MSI2: variants seen among roughly 807,000 people sequenced by gnomAD.
MSI2 encodes RNA-binding protein Musashi homolog 2.
Under a neutral mutation model 45.6 loss-of-function variants are expected in MSI2, and 17 were observed. The observed-to-expected ratio is 0.37, with a 90% confidence interval of 0.26 to 0.56. The LOEUF (loss-of-function observed/expected upper bound fraction) is 0.56. Ranked by LOEUF, MSI2 falls within the 20% of genes least tolerant of loss-of-function variation. The pLI is 0.77. For missense variants in MSI2, 293 were observed against 444.2 expected, an observed-to-expected ratio of 0.66 and a Z score of 3.06; for synonymous variants, 156 against 158.2, an observed-to-expected ratio of 0.99 and a Z score of 0.11.
chr17:57,328,931 G>T (rs990962630), intron 5 of MSI2, among the ~76,000 whole-genome samples: 1 of 152,072 alleles, frequency 6.6e-6, no homozygotes, highest in Non-Finnish European at 1.5e-5. Context: ...TGGGGGCCCC[G>T]ATAGGAATAT....
chr17:57,282,994 C>T (rs1254626664), intron 5 of MSI2, among the ~76,000 whole-genome samples: 1 of 152,012 alleles, frequency 6.6e-6, no homozygotes, highest in Non-Finnish European at 1.5e-5. Flanking sequence ...TAACCATGTT[C>T]ACCTTTAACT....
At chr17:57,558,915 C>A (rs1420494139) in intron 7 of MSI2, among the ~76,000 whole-genome samples, 1 of 151,990 alleles carries the variant, frequency 6.6e-6, no homozygotes, top group East Asian at 1.9e-4. Context: ...ACAAAAAAAA[C>A]AGCGAGGTGT....
chr17:57,558,724 A>G (rs1313996064), intron 7 of MSI2, among the ~76,000 whole-genome samples: 1 of 152,202 alleles, frequency 6.6e-6, no homozygotes, highest in Non-Finnish European at 1.5e-5. Context: ...TTCCTGAATC[A>G]CAGAACCTCC....
At chr17:57,427,426 A>G (rs972608284) in intron 6 of MSI2, among the ~76,000 whole-genome samples, 2 of 152,076 alleles carry the variant, frequency 1.3e-5, no homozygotes, top group Non-Finnish European at 2.9e-5. Context: ...AAAAGAAAAT[A>G]AAAGAAAAAA....
At chr17:57,631,958 A>ATGACTGT (rs1208240965) in intron 10 of MSI2, 2 of 1,464,252 alleles carry the variant, frequency 1.4e-6, no homozygotes, top group East Asian at 5.0e-5. Context: ...GCCTGTTTGA[A>ATGACTGT]TGACTGTTCT....
chr17:57,486,903 G>C (rs944939866), intron 6 of MSI2, among the ~76,000 whole-genome samples: 4 of 152,218 alleles, frequency 2.6e-5, no homozygotes, highest in Non-Finnish European at 5.9e-5. Context: ...AGGGATCACA[G>C]AGTCTAGTGG....
chr17:57,352,788 A>T (rs997718851), intron 5 of MSI2, among the ~76,000 whole-genome samples: 6 of 152,182 alleles, frequency 3.9e-5, no homozygotes, highest in African/African-American at 1.4e-4. Flanking sequence ...TTTAACTTGG[A>T]TGGAATCCCT....
At chr17:57,698,902 TGTG>T in the MSI2 span, among the ~76,000 whole-genome samples, 2 of 125,900 alleles carry the variant, frequency 1.6e-5, no homozygotes, top group African/African-American at 3.1e-5. Flanking sequence ...AGTGTGTGTG[TGTG>T]TGTGTGTGTG....
chr17:57,356,731 G>A (rs1916448677), intron 5 of MSI2, among the ~76,000 whole-genome samples: 1 of 152,122 alleles, frequency 6.6e-6, no homozygotes, highest in Admixed American at 6.5e-5. Flanking sequence ...GATAAGAACT[G>A]TATTTGAACT....
At chr17:57,400,089 AG>A (rs1351191915) in intron 5 of MSI2, among the ~76,000 whole-genome samples, 6 of 152,256 alleles carry the variant, frequency 3.9e-5, no homozygotes, top group Non-Finnish European at 7.3e-5. Flanking sequence ...CAAACTGGTC[AG>A]ACCCTCACCC....
At chr17:57,505,028 A>G (rs2086197892) in intron 6 of MSI2, among the ~76,000 whole-genome samples, 1 of 152,170 alleles carries the variant, frequency 6.6e-6, no homozygotes, top group African/African-American at 2.4e-5. Context: ...CTTGGAAGAC[A>G]GAGGACCGGG....
intron 5 of MSI2, among the ~76,000 whole-genome samples, chr17:57,262,786 G>A (rs1907438977): frequency 6.6e-6 from 1 of 152,206 alleles, no homozygotes; most frequent in Admixed American, 6.5e-5. Flanking sequence ...TTGTAACCTT[G>A]TAGGAGTGGC....
At chr17:57,313,144 C>T (rs533185745) in intron 5 of MSI2, among the ~76,000 whole-genome samples, 26 of 152,262 alleles carry the variant, frequency 1.7e-4, no homozygotes, top group African/African-American at 5.1e-4. Flanking sequence ...TGCACCCGGC[C>T]GGCATTCGTT....
At chr17:57,404,158 T>G (rs1037475161) in intron 6 of MSI2, among the ~76,000 whole-genome samples, 3 of 152,206 alleles carry the variant, frequency 2.0e-5, no homozygotes, top group Admixed American at 2.0e-4. Context: ...CTGGTAGTGG[T>G]ATTCTCCATG....
rs144037172 is a variant in MSI2 at position 57,319,614 on chromosome 17, T to G, written c.312+57422T>G. Among the ~76,000 whole-genome samples, 282 of 152,150 alleles carry G rather than the reference T, an allele frequency of 1.9e-3. 1 individual carries two copies. Among genetic ancestry groups the G allele is most frequent in the African/African-American group, 6.3e-3 (262 of 41,510 alleles). On this transcript the variant is annotated intron_variant, in intron 5 of 13. Transcript: ENST00000284073. ...AATCCTGAACAAAACAAAACCCTCT[T>G]GAGTAGGGGTTTGTTTTTGACAGGG...
intron 5 of MSI2, among the ~76,000 whole-genome samples, chr17:57,284,261 C>T (rs904271442): frequency 6.6e-6 from 1 of 152,076 alleles, no homozygotes; most frequent in Non-Finnish European, 1.5e-5. Flanking sequence ...TGCAGGGTTT[C>T]GAAGGTGGCC....
At chr17:57,617,578 A>G (rs1224602659) in intron 9 of MSI2, among the ~76,000 whole-genome samples, 3 of 152,188 alleles carry the variant, frequency 2.0e-5, no homozygotes, top group Non-Finnish European at 4.4e-5. Context: ...AATAATTTTT[A>G]TTAGGTCTTT....
intron 5 of MSI2, among the ~76,000 whole-genome samples, chr17:57,301,364 T>C (rs1006017730): frequency 1.3e-5 from 2 of 152,200 alleles, no homozygotes; most frequent in African/African-American, 2.4e-5. Context: ...GAGTGCAACC[T>C]GAGTTTAGTT....
chr17:57,467,855 C>T (rs182437456), intron 6 of MSI2, among the ~76,000 whole-genome samples: 1 of 108,488 alleles, frequency 9.2e-6, no homozygotes, highest in Non-Finnish European at 1.8e-5. Context: ...GCCCACCCCC[C>T]ACCCCTTCTG....
Sources: allele counts gnomAD v4.1 joint callset (sites outside exome capture counted in the v4.1 genomes callset), GRCh38; gene constraint gnomAD v4.1.1; transcripts MANE v1.5; gene names NCBI Gene and HGNC (gene_info 2026-07-23, HGNC 2026-07-21).